RASAL2: variants seen among roughly 807,000 people sequenced by gnomAD.
The protein encoded by RASAL2 is RAS protein activator like 2, also known as ras GTPase-activating protein nGAP.
Under a neutral mutation model 128.9 loss-of-function variants are expected in RASAL2, and 58 were observed. The ratio of observed to expected loss-of-function variants is 0.45; its 90% confidence interval spans 0.36 to 0.56. The LOEUF (loss-of-function observed/expected upper bound fraction) is 0.56. Ranked by LOEUF, RASAL2 falls within the 20% of genes least tolerant of loss-of-function variation. The pLI, the probability that RASAL2 is intolerant of heterozygous loss-of-function variation, is 0.00. For synonymous variants in RASAL2, 561 were observed against 580.8 expected, an observed-to-expected ratio of 0.97 and a Z score of 0.49; for missense variants, 1,360 against 1,601.6, an observed-to-expected ratio of 0.85 and a Z score of 2.57.
At chr1:178,203,529 T>A (rs1001215847) in intron 1 of RASAL2, among the ~76,000 whole-genome samples, 1 of 152,172 alleles carries the variant, frequency 6.6e-6, no homozygotes, top group Admixed American at 6.5e-5. Context: ...CCATTCAGTA[T>A]CACCCCTAGT....
intron 3 of RASAL2, among the ~76,000 whole-genome samples, chr1:178,345,277 A>G (rs1670092999): frequency 6.6e-6 from 1 of 152,172 alleles, no homozygotes; most frequent in South Asian, 2.1e-4. Context: ...AGGTTTGTGC[A>G]GCCCTATTCT....
intron 3 of RASAL2, among the ~76,000 whole-genome samples, chr1:178,357,951 C>T (rs890141632): frequency 6.6e-6 from 1 of 151,626 alleles, no homozygotes; most frequent in Non-Finnish European, 1.5e-5. Flanking sequence ...AAACAAAAAA[C>T]AAGGCCAGGT....
In RASAL2 at chr1:178,416,044, T is replaced by A. The variant is rs368922216; in HGVS notation, c.565-4467T>A. ...CTTTTAATTGGGGTATTTAGACTAT[T>A]GACGTTCGAAGTGATTATTGACATA... On this transcript the variant is annotated intron_variant, in intron 4 of 17. Transcript: ENST00000367649. Among the ~76,000 whole-genome samples the A allele has an allele frequency of 3.9e-4, 60 of 152,258 alleles. 1 individual carries two copies. In the South Asian group the frequency reaches 0.011, roughly 27 times the overall value.
At chr1:178,447,401 C>T (rs188512247) in intron 9 of RASAL2, among the ~76,000 whole-genome samples, 8 of 151,830 alleles carry the variant, frequency 5.3e-5, no homozygotes, top group African/African-American at 1.9e-4. Flanking sequence ...AGGCTGGGCG[C>T]GGTGGCTCAC....
chr1:178,105,003 G>T (rs1659036317), intron 1 of RASAL2, among the ~76,000 whole-genome samples: 1 of 152,268 alleles, frequency 6.6e-6, no homozygotes, highest in Middle Eastern at 3.4e-3. Flanking sequence ...TCAGCTAGAA[G>T]GAGTTGACAT....
intron 9 of RASAL2, among the ~76,000 whole-genome samples, chr1:178,449,776 AG>A (rs1677254531): frequency 6.6e-6 from 1 of 152,122 alleles, no homozygotes; most frequent in Admixed American, 6.6e-5. Context: ...AAACTTTTTA[AG>A]CTGGTACTAT....
chr1:178,111,366 C>G (rs942655225), intron 1 of RASAL2, among the ~76,000 whole-genome samples: 1 of 152,188 alleles, frequency 6.6e-6, no homozygotes, highest in African/African-American at 2.4e-5. Context: ...GCCTTGGCCT[C>G]CCAAAGTGCT....
At chr1:178,339,132 G>A (rs1669740227) in intron 3 of RASAL2, among the ~76,000 whole-genome samples, 1 of 152,296 alleles carries the variant, frequency 6.6e-6, no homozygotes. Flanking sequence ...GCCTAGCACT[G>A]TGTATGTTAT....
intron 1 of RASAL2, among the ~76,000 whole-genome samples, chr1:178,168,892 T>C (rs1452790162): frequency 6.6e-6 from 1 of 152,130 alleles, no homozygotes; most frequent in Non-Finnish European, 1.5e-5. Context: ...TTTGAACATA[T>C]TTGATAATGT....
intron 3 of RASAL2, among the ~76,000 whole-genome samples, chr1:178,354,217 A>T (rs1352693615): frequency 6.6e-6 from 1 of 152,242 alleles, no homozygotes; most frequent in Non-Finnish European, 1.5e-5. Context: ...TTAGAAAGTT[A>T]GAATAGTTTA....
chr1:178,409,272 C>A (rs1245157804), intron 4 of RASAL2, among the ~76,000 whole-genome samples: 2 of 152,074 alleles, frequency 1.3e-5, no homozygotes, highest in Non-Finnish European at 2.9e-5. Flanking sequence ...CTACTAAATA[C>A]CAGATATCAG....
At chr1:178,257,859 A>T (rs183803513) in intron 1 of RASAL2, among the ~76,000 whole-genome samples, 78 of 151,778 alleles carry the variant, frequency 5.1e-4, no homozygotes, top group African/African-American at 1.8e-3. Context: ...AAAAAAAAAA[A>T]AAAGAATTGA....
At chr1:178,282,161 ACTT>A (rs1162395637) in intron 1 of RASAL2, among the ~76,000 whole-genome samples, 1 of 152,116 alleles carries the variant, frequency 6.6e-6, no homozygotes, top group Admixed American at 6.5e-5. Flanking sequence ...AAAACAGTGA[ACTT>A]CTAAGAATTA....
chr1:178,383,522 C>CT (rs950909375), intron 3 of RASAL2, among the ~76,000 whole-genome samples: 4 of 152,140 alleles, frequency 2.6e-5, no homozygotes, highest in Admixed American at 6.6e-5. Flanking sequence ...CTAACTCTGT[C>CT]TTTTAAGTTC....
At chr1:178,282,371 A>G (rs1666826491) in intron 1 of RASAL2, among the ~76,000 whole-genome samples, 1 of 152,188 alleles carries the variant, frequency 6.6e-6, no homozygotes, top group Admixed American at 6.5e-5. Flanking sequence ...ACGTAGTTCT[A>G]TGAAGAGAGA....
intron 3 of RASAL2, among the ~76,000 whole-genome samples, chr1:178,305,318 C>G (rs1441252502): frequency 6.6e-6 from 1 of 152,106 alleles, no homozygotes; most frequent in African/African-American, 2.4e-5. Flanking sequence ...TATATGGAAT[C>G]ACAAAAGACC....
At chr1:178,278,994 A>C (rs957254849) in intron 1 of RASAL2, among the ~76,000 whole-genome samples, 4 of 152,218 alleles carry the variant, frequency 2.6e-5, no homozygotes, top group Non-Finnish European at 5.9e-5. Flanking sequence ...AATTTATATT[A>C]GCATTTGCAG....
intron 1 of RASAL2, among the ~76,000 whole-genome samples, chr1:178,105,863 A>G (rs1476037153): frequency 5.3e-5 from 8 of 151,964 alleles, no homozygotes; most frequent in Non-Finnish European, 1.0e-4. Flanking sequence ...TTTTGTAGAG[A>G]CGAGGTCTCA....
chr1:178,114,605 T>A (rs2102256278), intron 1 of RASAL2, among the ~76,000 whole-genome samples: 2 of 152,040 alleles, frequency 1.3e-5, no homozygotes, highest in Admixed American at 1.3e-4. Flanking sequence ...CACTGCAAGC[T>A]CCGCCTCCTG....
Sources: gnomAD v4.1 joint callset for allele counts (sites outside exome capture counted in the v4.1 genomes callset) on GRCh38, gnomAD v4.1.1 for gene constraint, MANE v1.5 for transcripts, NCBI Gene and HGNC (gene_info 2026-07-23, HGNC 2026-07-21) for gene names.